The following RGPD3 variants were observed in gnomAD, a reference collection of about 807,000 sequenced individuals.
RGPD3 encodes the protein ranBP2-like and GRIP domain-containing protein 3.
A neutral mutation model predicts 154.5 loss-of-function variants in RGPD3; 62 were observed. The ratio of observed to expected loss-of-function variants is 0.40; its 90% CI spans 0.33 to 0.50. The LOEUF (loss-of-function observed/expected upper bound fraction) is 0.50, where lower values mean the gene tolerates loss of function less well. Ranked by LOEUF, RGPD3 falls within the 20% of genes least tolerant of loss-of-function variation. The pLI is 0.59. For synonymous variants in RGPD3, 308 were observed against 607.0 expected (o/e 0.51, Z 7.24); for missense variants, 919 against 1,716.8 (o/e 0.54, Z 8.21).
chr2:106,413,690 T>C (rs1333482193), intron 21 of RGPD3, among the ~76,000 whole-genome samples: 1 of 152,026 alleles, frequency 6.6e-6, no homozygotes, highest in Non-Finnish European at 1.5e-5. Context: ...CATCAAGAAA[T>C]TCTCACGAGA....
At chr2:106,448,352 C>T (rs1247779336) in intron 6 of RGPD3, among the ~76,000 whole-genome samples, 327 of 152,216 alleles carry the variant, frequency 2.1e-3, no homozygotes, top group African/African-American at 7.5e-3. Context: ...CCTCACGATC[C>T]GCCCGCCTCA....
intron 7 of RGPD3, among the ~76,000 whole-genome samples, chr2:106,442,631 T>C (rs1250119905): frequency 9.6e-6 from 1 of 104,476 alleles, no homozygotes; most frequent in Non-Finnish European, 1.9e-5. Context: ...GCTTGAAGAA[T>C]ATTTTTATTC....
At chr2:106,446,444 C>T (rs553497798) in intron 7 of RGPD3, among the ~76,000 whole-genome samples, 1 of 150,010 alleles carries the variant, frequency 6.7e-6, no homozygotes, top group Non-Finnish European at 1.5e-5. Context: ...GTGGCGGGTG[C>T]CTGTAGTCCC....
At chr2:106,465,452 A>C (rs1247327736) in intron 1 of RGPD3, among the ~76,000 whole-genome samples, 1 of 152,066 alleles carries the variant, frequency 6.6e-6, no homozygotes, top group South Asian at 2.1e-4. Flanking sequence ...TATTTAATGG[A>C]GAAGTTATGT....
chr2:106,432,425 C>G (rs1224790367), intron 17 of RGPD3, among the ~76,000 whole-genome samples: 1 of 145,388 alleles, frequency 6.9e-6, no homozygotes, highest in African/African-American at 2.5e-5. Flanking sequence ...TGCACTCCAG[C>G]CTGGGCAACA....
Position 106,405,225 on chromosome 2 carries a change from C to G in RGPD3, c.5271G>C (p.Glu1757Asp). 6.2e-7 allele frequency: 1 copy of G among 1,608,062 alleles called. No homozygotes were observed. Among genetic ancestry groups the G allele is most frequent in the Non-Finnish European group, 8.5e-7 (1 of 1,178,512 alleles). ...CAGAAGAACGGGAAGCATTTTATTC[C>G]TCACCTTTGGAAAGTAAAACAAAAA... Reference protein sequence around the residue: ...KGKLAAVAQGEE With the variant: ...KGKLAAVAQGDE The change falls in exon 23 of 23, where the codon GAG (glutamate) becomes GAC (aspartate). Residue 1757 changes from glutamate (E) to aspartate (D), a missense_variant. By Grantham distance (45) the Glu-to-Asp change is conservative. Coordinates refer to ENST00000409886, the MANE Select transcript of RGPD3 (RefSeq NM_001144013.2).
intron 1 of RGPD3, 97 bp downstream of exon 1, chr2:106,468,120 G>T: frequency 4.1e-6 from 6 of 1,458,950 alleles, no homozygotes; most frequent in Non-Finnish European, 5.5e-6. Context: ...CGCTCGTCGG[G>T]AGCCATGACG....
chr2:106,446,601 C>T lies in RGPD3; in HGVS notation c.978+817G>A, dbSNP rs373040260. Among the ~76,000 whole-genome samples, 41 of 126,730 alleles carry T rather than the reference C, an allele frequency of 3.2e-4. No homozygotes were observed. The East Asian group carries it at 7.5e-3, about 23-fold the overall frequency. The allele number at this position is 126,730 out of a possible 152,430, so 83.1% of individuals were successfully genotyped here. A position where few individuals can be genotyped will look rare whatever the true frequency, so the allele number is the denominator to read the frequency against. On this transcript the variant is annotated intron_variant, in intron 7 of 22. Coordinates refer to ENST00000409886, the MANE Select transcript of RGPD3 (RefSeq NM_001144013.2). The stretch of plus-strand genomic sequence containing the variant: ...AAAAAAAAAAAAAAAAGGCCAGGCG[C>T]GCCAGGCGCAGTGCCTCGCGCCTGT...
chr2:106,418,077 A>T lies in RGPD3; in HGVS notation c.4925-2088T>A, dbSNP rs1203998606. 2.8e-5 allele frequency among the ~76,000 whole-genome samples: 4 copies of T among 144,812 alleles called. 1 individual carries two copies. The highest frequency in any genetic ancestry group is 1.0e-4 in the African/African-American group (4 of 39,878). On this transcript the variant is annotated intron_variant, in intron 20 of 22. Coordinates refer to ENST00000409886, the MANE Select transcript of RGPD3 (RefSeq NM_001144013.2). ...CAGGAGGCGGAGGTTGTAGTGAGCC[A>T]AGATCACGCCACTGCACTTCAGCCT...
intron 22 of RGPD3, among the ~76,000 whole-genome samples, chr2:106,411,773 G>A (rs563653151): frequency 7.2e-5 from 11 of 152,190 alleles, no homozygotes; most frequent in South Asian, 4.1e-4. Flanking sequence ...AGCCATGATC[G>A]GACCACTGCA....
rs1422902801 is a variant in RGPD3 at position 106,464,709 on chromosome 2, A to G, written c.72+3508T>C. 2.9e-4 allele frequency among the ~76,000 whole-genome samples: 44 copies of G among 149,432 alleles called. 1 individual carries two copies. Among genetic ancestry groups the G allele is most frequent in the Non-Finnish European group, 4.6e-4 (31 of 67,138 alleles). On this transcript the variant is annotated intron_variant, in intron 1 of 22. Coordinates refer to ENST00000409886, the MANE Select transcript of RGPD3 (RefSeq NM_001144013.2). ...TCTGGAAAAAGAAAAACTAGAGAAAAAATTATATATTTTTTTCTTTTTTTC... is the reference window on the plus strand; with the variant it reads ...TCTGGAAAAAGAAAAACTAGAGAAAGAATTATATATTTTTTTCTTTTTTTC...
chr2:106,469,728 C>T (rs4676198), upstream of RGPD3, among the ~76,000 whole-genome samples: 105,450 of 151,938 alleles, frequency 0.69, 37,064 homozygotes, highest in East Asian at 0.99. Flanking sequence ...TCATTTCCAC[C>T]TCTCAAGGCC....
At position 106,413,093 on chromosome 2, in the gene RGPD3, C is replaced by A; in HGVS notation, c.5257G>T (p.Val1753Phe). 1.2e-6 allele frequency: 2 copies of A among 1,610,530 alleles called. No individual in the cohort carries two copies. The highest frequency in any genetic ancestry group is 1.7e-5 in the Admixed American group (1 of 59,842). Residue 1753 changes from valine to phenylalanine, a missense_variant, in exon 22 of 23, where the codon GTT becomes TTT. Val to Phe is a conservative substitution (Grantham distance 50, BLOSUM62 -1). Coordinates refer to ENST00000409886, the MANE Select transcript of RGPD3 (RefSeq NM_001144013.2). ...SLEEKGKLAA[V>F]AQGEE ...CTCTCCTTTTACCCACCTTGAGCAA[C>A]CGCAGCAAGTTTTCCCTTTTCTTCA... is the stretch of plus-strand genomic sequence containing the variant.
intron 20 of RGPD3, among the ~76,000 whole-genome samples, chr2:106,417,405 C>T (rs1208494727): frequency 1.4e-5 from 2 of 144,888 alleles, no homozygotes; most frequent in East Asian, 2.0e-4. Flanking sequence ...GCATATGTAC[C>T]TTAGAGTAAT....
chr2:106,415,157 T>C (rs1358068563), intron 21 of RGPD3, among the ~76,000 whole-genome samples: 2 of 150,476 alleles, frequency 1.3e-5, no homozygotes, highest in African/African-American at 2.4e-5. Flanking sequence ...AAACTTCCCA[T>C]GCCACTTTGC....
intron 22 of RGPD3, among the ~76,000 whole-genome samples, chr2:106,406,605 C>T (rs1194982819): frequency 1.3e-4 from 20 of 149,170 alleles, no homozygotes; most frequent in South Asian, 6.5e-4. Context: ...AAAGTTTCTA[C>T]GAATAATTGT....
chr2:106,464,577 A>C (rs1333406085), intron 1 of RGPD3, among the ~76,000 whole-genome samples: 1 of 151,198 alleles, frequency 6.6e-6, no homozygotes, highest in Non-Finnish European at 1.5e-5. Flanking sequence ...TATTCTAAAA[A>C]AAATATAAAT....
chr2:106,410,649 A>C (rs963876650), intron 22 of RGPD3, among the ~76,000 whole-genome samples: 5 of 152,316 alleles, frequency 3.3e-5, no homozygotes, highest in African/African-American at 1.2e-4. Flanking sequence ...GGTTAATTTT[A>C]TAACTATAAA....
At position 106,463,974 on chromosome 2, in the gene RGPD3, A is replaced by G. The variant is rs866385412; in HGVS notation, c.72+4243T>C. Among the ~76,000 whole-genome samples, 1,389 of 152,220 alleles carry G rather than the reference A, an allele frequency of 9.1e-3. 9 individuals are homozygous for G. Among genetic ancestry groups the G allele is most frequent in the African/African-American group, 0.032 (1,319 of 41,502 alleles). Reference sequence around the variant, plus strand: ...AATATTCATTTAAACAAAAACTGCAATAACAGTACTGAAAGAATGAGGGGC... The same window carrying G: ...AATATTCATTTAAACAAAAACTGCAGTAACAGTACTGAAAGAATGAGGGGC... On this transcript the variant is annotated intron_variant, in intron 1 of 22. Transcript: ENST00000409886.
Sources: gnomAD v4.1 joint callset for allele counts (sites outside exome capture counted in the v4.1 genomes callset) on GRCh38, gnomAD v4.1.1 for gene constraint, MANE v1.5 for transcripts, NCBI Gene and HGNC (gene_info 2026-07-23, HGNC 2026-07-21) for gene names.